GNG2: variants seen among roughly 807,000 people sequenced by gnomAD.
GNG2 encodes guanine nucleotide-binding protein G(I)/G(S)/G(O) subunit gamma-2.
In GNG2, 5 loss-of-function variants were observed where a neutral mutation model predicts 5.5. The ratio of observed to expected loss-of-function variants is 0.91; its 90% CI spans 0.48 to 1.92. The LOEUF (loss-of-function observed/expected upper bound fraction) is 1.92. Ranked by LOEUF, GNG2 falls within the 30% of genes most tolerant of loss-of-function variation. GNG2 has a pLI of 0.01. For synonymous variants in GNG2, 28 were observed against 32.0 expected, an observed-to-expected ratio of 0.88 and a Z score of 0.42; for missense variants, 55 against 88.4, an observed-to-expected ratio of 0.62 and a Z score of 1.52.
At chr14:51,878,822 G>A (rs1476099196) in intron 2 of GNG2, among the ~76,000 whole-genome samples, 1 of 152,142 alleles carries the variant, frequency 6.6e-6, no homozygotes, top group Non-Finnish European at 1.5e-5. Context: ...TTTCAGGTGA[G>A]GGCTGAGACA....
rs144937565 is a variant in GNG2 at position 51,901,958 on chromosome 14, A to G, written c.-30+24301A>G. Among the ~76,000 whole-genome samples, 253 of 134,406 alleles carry G rather than the reference A, an allele frequency of 1.9e-3. 1 individual carries two copies. Among genetic ancestry groups the G allele is most frequent in the African/African-American group, 7.3e-3 (247 of 34,004 alleles). The allele number at this position is 134,406 out of a possible 152,430, so 88.2% of individuals were successfully genotyped here. A position where few individuals can be genotyped will look rare whatever the true frequency, so the allele number is the denominator to read the frequency against. On this transcript the variant is annotated intron_variant, in intron 2 of 3. Transcript: ENST00000556766. ...TACATCAACTAAGATCACAATAACA[A>G]TCTGTAAAAAAAAAAAAAAAAAAAA...
chr14:51,914,310 C>T lies in GNG2; in HGVS notation c.-29-36340C>T, dbSNP rs747321398. The T allele has an allele frequency of 1.0e-5, 7 of 701,698 alleles. No homozygotes were observed. In the Admixed American group the frequency reaches 1.0e-4, roughly 10 times the overall value. 43.5% of individuals were successfully genotyped at this position (701,698 alleles called of 1,614,324 possible). A position where few individuals can be genotyped will look rare whatever the true frequency, so the allele number is the denominator to read the frequency against. On this transcript the variant is annotated intron_variant, in intron 2 of 3. Coordinates refer to ENST00000556766, the MANE Select transcript of GNG2 (RefSeq NM_053064.5). ...AAAGGACTGCCGTCTCAGGCCATTT[C>T]ATTATGTCTGAAAGAAAAACTGATG...
chr14:51,950,663 T>C lies in GNG2; in HGVS notation c.-16T>C. ...TTTCTTTTCTAGTGTTTCTGAAAGA[T>C]CTATCCAGCACTCCGATGGCCAGCA... On this transcript the variant is annotated 5_prime_UTR_variant, in exon 3 of 4. Transcript: ENST00000556766. The C allele has an allele frequency of 6.3e-7, 1 of 1,591,872 alleles. No homozygotes were observed. The highest frequency in any genetic ancestry group is 8.6e-7 in the Non-Finnish European group (1 of 1,163,678).
intron 2 of GNG2, among the ~76,000 whole-genome samples, chr14:51,930,891 A>C (rs1015814103): frequency 6.6e-6 from 1 of 152,156 alleles, no homozygotes; most frequent in Non-Finnish European, 1.5e-5. Context: ...TCTTTTAAAC[A>C]ACCAGATCTC....
intron 1 of GNG2, among the ~76,000 whole-genome samples, chr14:51,867,642 T>G (rs961042055): frequency 1.5e-4 from 23 of 152,174 alleles, no homozygotes; most frequent in African/African-American, 5.6e-4. Flanking sequence ...CTGACTTGTT[T>G]TTTGAGTTCT....
At chr14:51,900,576 T>C (rs760195203) in intron 2 of GNG2, among the ~76,000 whole-genome samples, 10 of 149,326 alleles carry the variant, frequency 6.7e-5, no homozygotes, top group Admixed American at 1.3e-4. Flanking sequence ...TAGTATGACA[T>C]TGAAGGGCAC....
chr14:51,857,829 A>C (rs1283519182), upstream of GNG2, among the ~76,000 whole-genome samples: 2 of 152,180 alleles, frequency 1.3e-5, no homozygotes, highest in East Asian at 3.8e-4. Flanking sequence ...GAAATGGAGA[A>C]TATAGAAAGA....
At chr14:51,853,203 G>A (rs942931986) in intron 2 of GNG2, among the ~76,000 whole-genome samples, 3 of 152,182 alleles carry the variant, frequency 2.0e-5, no homozygotes, top group African/African-American at 7.2e-5. Context: ...TTCAGTTAAA[G>A]TTAACAAACA....
At chr14:51,827,041 C>A (rs565230769) in intron 1 of GNG2, among the ~76,000 whole-genome samples, 4 of 152,228 alleles carry the variant, frequency 2.6e-5, no homozygotes, top group Admixed American at 2.0e-4. Context: ...TCACCACACC[C>A]TTCAAGGTGG....
chr14:51,868,650 T>C (rs1363330271), intron 1 of GNG2, among the ~76,000 whole-genome samples: 1 of 152,188 alleles, frequency 6.6e-6, no homozygotes, highest in Non-Finnish European at 1.5e-5. Context: ...GAGCAGAAGG[T>C]GCAGGTGCCT....
At chr14:51,874,476 A>T (rs1227993824) in intron 1 of GNG2, among the ~76,000 whole-genome samples, 1 of 151,074 alleles carries the variant, frequency 6.6e-6, no homozygotes, top group African/African-American at 2.4e-5. Context: ...TTACGCCTGT[A>T]ATCTCAGCAC....
chr14:51,884,605 C>T (rs1884319113), intron 2 of GNG2, among the ~76,000 whole-genome samples: 2 of 152,144 alleles, frequency 1.3e-5, no homozygotes, highest in Non-Finnish European at 2.9e-5. Context: ...CTCTGTGGCT[C>T]CTGCAGTAAA....
intron 1 of GNG2, among the ~76,000 whole-genome samples, chr14:51,827,074 A>G (rs1475017956): frequency 6.6e-6 from 1 of 152,222 alleles, no homozygotes; most frequent in Non-Finnish European, 1.5e-5. Flanking sequence ...GGGAGGCTAG[A>G]CGGTGACAGC....
chr14:51,856,842 A>G (rs747154338), upstream of GNG2, among the ~76,000 whole-genome samples: 3 of 152,264 alleles, frequency 2.0e-5, no homozygotes, highest in Non-Finnish European at 4.4e-5. Context: ...GCTTGCCCAT[A>G]TAACAAATAT....
At chr14:51,874,992 A>T (rs867621748) in intron 1 of GNG2, among the ~76,000 whole-genome samples, 12 of 152,212 alleles carry the variant, frequency 7.9e-5, no homozygotes, top group Non-Finnish European at 1.5e-4. Context: ...TTATTGAAAA[A>T]TGTGGAAATT....
intron 2 of GNG2, among the ~76,000 whole-genome samples, chr14:51,936,503 T>C (rs1028556008): frequency 1.3e-5 from 2 of 150,184 alleles, no homozygotes; most frequent in East Asian, 3.9e-4. Context: ...ACCTCTTCCA[T>C]TGGCACACTA....
At chr14:51,962,733 A>T (rs1889686943) in intron 3 of GNG2, among the ~76,000 whole-genome samples, 1 of 152,200 alleles carries the variant, frequency 6.6e-6, no homozygotes, top group African/African-American at 2.4e-5. Context: ...TTATTGGGGA[A>T]ATCTTCATGG....
intron 2 of GNG2, among the ~76,000 whole-genome samples, chr14:51,828,913 A>G (rs758972130): frequency 6.6e-6 from 1 of 152,084 alleles, no homozygotes; most frequent in Non-Finnish European, 1.5e-5. Flanking sequence ...TGCAGACGTG[A>G]CAGGCCCTCT....
At chr14:51,840,760 G>T (rs183755958) in intron 2 of GNG2, among the ~76,000 whole-genome samples, 111 of 152,320 alleles carry the variant, frequency 7.3e-4, no homozygotes, top group Non-Finnish European at 9.6e-4. Flanking sequence ...CTCTGTAAAT[G>T]ACTGCCTTTT....
Sources: allele counts gnomAD v4.1 joint callset (sites outside exome capture counted in the v4.1 genomes callset), GRCh38; gene constraint gnomAD v4.1.1; transcripts MANE v1.5; gene names NCBI Gene and HGNC (gene_info 2026-07-23, HGNC 2026-07-21).